Variants in PTPRD observed in about 807,000 individuals in gnomAD.
PTPRD encodes the protein protein tyrosine phosphatase receptor type D.
Under a neutral mutation model 214.5 loss-of-function variants are expected in PTPRD, and 34 were observed. That is an observed-to-expected ratio of 0.16 (90% confidence interval 0.12 to 0.21). The LOEUF (loss-of-function observed/expected upper bound fraction) is 0.21. Ranked by LOEUF, PTPRD falls within the 10% of genes least tolerant of loss-of-function variation. The probability of loss-of-function intolerance (pLI) is 1.00; values close to 1 mark genes in which losing one functional copy is unlikely to be tolerated. For synonymous variants in PTPRD, 1,128 were observed against 845.7 expected, an observed-to-expected ratio of 1.33 and a Z score of -5.79; for missense variants, 2,545 against 2,398.7, an observed-to-expected ratio of 1.06 and a Z score of -1.27.
At chr9:8,713,009 G>T (rs1385802344) in intron 12 of PTPRD, among the ~76,000 whole-genome samples, 1 of 152,130 alleles carries the variant, frequency 6.6e-6, no homozygotes, top group Non-Finnish European at 1.5e-5. Flanking sequence ...GTGAGCCACC[G>T]CACCCAGCCT....
intron 11 of PTPRD, among the ~76,000 whole-genome samples, chr9:8,846,539 G>C (rs539061852): frequency 6.6e-6 from 1 of 152,284 alleles, no homozygotes; most frequent in East Asian, 1.9e-4. Context: ...TGGGAGGAGG[G>C]AAATTTTCTA....
chr9:10,279,214 G>A (rs988332606), intron 3 of PTPRD, among the ~76,000 whole-genome samples: 4 of 152,102 alleles, frequency 2.6e-5, no homozygotes, highest in African/African-American at 9.7e-5. Context: ...TGTAGTTCAA[G>A]GGCATATGAT....
At chr9:9,083,483 A>G (rs1360452818) in intron 10 of PTPRD, among the ~76,000 whole-genome samples, 2 of 152,206 alleles carry the variant, frequency 1.3e-5, no homozygotes, top group East Asian at 1.9e-4. Flanking sequence ...CATTCAGGAC[A>G]TAGGCATGGG....
rs111543070 is a variant in PTPRD, at chr9:10,228,592, C to G, written c.-545+112371G>C. ...ACAGTAAATATTTGCCATCAGCTACCTATTCCTCATGATTCTTGTAAAGGT... is the reference window on the plus strand; with the variant it reads ...ACAGTAAATATTTGCCATCAGCTACGTATTCCTCATGATTCTTGTAAAGGT... On this transcript the variant is annotated intron_variant, in intron 3 of 45. Coordinates refer to ENST00000381196, the MANE Select transcript of PTPRD (RefSeq NM_002839.4). Among the ~76,000 whole-genome samples, 1,486 of 151,868 alleles carry G rather than the reference C, an allele frequency of 9.8e-3. 14 individuals are homozygous for G. Among genetic ancestry groups the G allele is most frequent in the Non-Finnish European group, 0.012 (823 of 67,870 alleles).
intron 3 of PTPRD, among the ~76,000 whole-genome samples, chr9:10,246,288 G>A (rs903023443): frequency 6.6e-5 from 10 of 152,078 alleles, no homozygotes; most frequent in Admixed American, 2.0e-4. Flanking sequence ...TTGTTGCCCC[G>A]GCTGGAGTGC....
At chr9:9,118,010 GA>G (rs1451961160) in intron 10 of PTPRD, among the ~76,000 whole-genome samples, 3 of 152,082 alleles carry the variant, frequency 2.0e-5, no homozygotes, top group Non-Finnish European at 4.4e-5. Flanking sequence ...CTTAGACAGG[GA>G]CATGCAAGTG....
At chr9:8,541,934 CCAAT>C (rs1364630050) in intron 14 of PTPRD, among the ~76,000 whole-genome samples, 1 of 151,646 alleles carries the variant, frequency 6.6e-6, no homozygotes, top group African/African-American at 2.4e-5. Context: ...GGAAAATAAC[CCAAT>C]CAAAGTAAAA....
intron 9 of PTPRD, among the ~76,000 whole-genome samples, chr9:9,218,133 A>G (rs756212393): frequency 3.9e-5 from 6 of 152,170 alleles, no homozygotes; most frequent in Non-Finnish European, 8.8e-5. Context: ...CTGAATAAAG[A>G]AAATAAAGCA....
At chr9:8,458,936 G>A (rs1014903832) in intron 33 of PTPRD, among the ~76,000 whole-genome samples, 3 of 151,930 alleles carry the variant, frequency 2.0e-5, no homozygotes, top group African/African-American at 7.3e-5. Flanking sequence ...CTCTAAAATA[G>A]GATAGGCAAT....
chr9:8,367,228 A>ATT (rs60513294), intron 39 of PTPRD, among the ~76,000 whole-genome samples: 2 of 150,770 alleles, frequency 1.3e-5, no homozygotes, highest in Non-Finnish European at 3.0e-5. Context: ...TCAAATAAGC[A>ATT]TTTTTTTTTT....
At chr9:8,947,462 C>CAA (rs138279192) in intron 11 of PTPRD, among the ~76,000 whole-genome samples, 20 of 92,956 alleles carry the variant, frequency 2.2e-4, no homozygotes, top group African/African-American at 4.9e-4. Context: ...GACTCTGTCT[C>CAA]AAAAAAAAAA....
intron 8 of PTPRD, among the ~76,000 whole-genome samples, chr9:9,432,584 T>C (rs1014329808): frequency 1.3e-5 from 2 of 152,182 alleles, no homozygotes; most frequent in Non-Finnish European, 2.9e-5. Flanking sequence ...CTTTTATTCT[T>C]TTGAATCACA....
At chr9:8,931,594 G>A (rs2098953081) in intron 11 of PTPRD, among the ~76,000 whole-genome samples, 2 of 152,152 alleles carry the variant, frequency 1.3e-5, no homozygotes, top group South Asian at 2.1e-4. Flanking sequence ...CTATCCATGA[G>A]CATGGAATGT....
intron 7 of PTPRD, among the ~76,000 whole-genome samples, chr9:9,586,846 C>G (rs527283999): frequency 6.6e-6 from 1 of 151,934 alleles, no homozygotes; most frequent in Non-Finnish European, 1.5e-5. Context: ...TAGTATATCA[C>G]ATTTATTCCA....
intron 3 of PTPRD, among the ~76,000 whole-genome samples, chr9:10,130,039 AGTTT>A (rs976841937): frequency 3.4e-5 from 5 of 148,894 alleles, no homozygotes; most frequent in African/African-American, 1.2e-4. Context: ...TGAAAAGTAT[AGTTT>A]GATTTGTTTT....
At chr9:8,642,022 C>G (rs1706690260) in intron 12 of PTPRD, among the ~76,000 whole-genome samples, 1 of 152,198 alleles carries the variant, frequency 6.6e-6, no homozygotes, top group South Asian at 2.1e-4. Context: ...CTTTCGTACA[C>G]TATACTAAGT....
At chr9:9,776,230 C>G (rs1047705819) in intron 5 of PTPRD, among the ~76,000 whole-genome samples, 2 of 152,038 alleles carry the variant, frequency 1.3e-5, no homozygotes, top group South Asian at 2.1e-4. Context: ...CTTGGAATAC[C>G]CTTTTCCTGT....
At chr9:8,578,020 T>C (rs1286603445) in intron 14 of PTPRD, among the ~76,000 whole-genome samples, 3 of 152,198 alleles carry the variant, frequency 2.0e-5, no homozygotes, top group African/African-American at 7.2e-5. Flanking sequence ...TACACATTTG[T>C]TGAATACAGA....
intron 14 of PTPRD, among the ~76,000 whole-genome samples, chr9:8,632,526 AG>A (rs1235776002): frequency 1.7e-4 from 26 of 152,102 alleles, no homozygotes; most frequent in Admixed American, 1.6e-3. Context: ...ATAAAGGCAC[AG>A]AATAGTTAAT....
Sources: gnomAD v4.1 joint callset for allele counts (sites outside exome capture counted in the v4.1 genomes callset) on GRCh38, gnomAD v4.1.1 for gene constraint, MANE v1.5 for transcripts, NCBI Gene and HGNC (gene_info 2026-07-23, HGNC 2026-07-21) for gene names.